The following SOX5 variants were observed in gnomAD, a reference collection of about 807,000 sequenced individuals.
The protein encoded by SOX5 is transcription factor SOX-5.
Under a neutral mutation model 92.0 loss-of-function variants are expected in SOX5, and 9 were observed. That is an observed-to-expected ratio of 0.10 (90% CI 0.06 to 0.17). The LOEUF (loss-of-function observed/expected upper bound fraction) is 0.17. Ranked by LOEUF, SOX5 falls within the 10% of genes least tolerant of loss-of-function variation. The pLI is 1.00. For missense variants in SOX5, 642 were observed against 944.5 expected (o/e 0.68, Z 4.20); for synonymous variants, 344 against 336.3 (o/e 1.02, Z -0.25).
intron 4 of SOX5, among the ~76,000 whole-genome samples, chr12:24,046,873 G>C (rs1457668442): frequency 6.6e-6 from 1 of 150,784 alleles, no homozygotes; most frequent in Non-Finnish European, 1.5e-5. Flanking sequence ...TTTTAATAGA[G>C]ATAGGGTATC....
intron 3 of SOX5, among the ~76,000 whole-genome samples, chr12:24,238,190 G>A (rs1376270901): frequency 2.0e-5 from 3 of 152,110 alleles, no homozygotes; most frequent in African/African-American, 7.2e-5. Flanking sequence ...TGAAAGAAAG[G>A]ATTACAGATG....
chr12:23,634,510 G>A (rs950258699), intron 8 of SOX5, among the ~76,000 whole-genome samples: 3 of 152,208 alleles, frequency 2.0e-5, no homozygotes, highest in Middle Eastern at 6.8e-3. Context: ...AAAACTCTAG[G>A]AAGGGAGTAT....
intron 4 of SOX5, among the ~76,000 whole-genome samples, chr12:24,114,805 G>A (rs2138210291): frequency 6.6e-6 from 1 of 151,906 alleles, no homozygotes; most frequent in East Asian, 1.9e-4. Context: ...GCATAGTGGT[G>A]CATGCCTATA....
At chr12:23,586,813 C>T (rs980472629) in intron 9 of SOX5, among the ~76,000 whole-genome samples, 3 of 151,660 alleles carry the variant, frequency 2.0e-5, no homozygotes, top group Non-Finnish European at 4.4e-5. Context: ...AATTATTTGT[C>T]ACTTATGATT....
intron 4 of SOX5, among the ~76,000 whole-genome samples, chr12:24,203,510 C>A (rs1473838650): frequency 6.6e-6 from 1 of 152,154 alleles, no homozygotes; most frequent in Admixed American, 6.5e-5. Context: ...CGCATATACT[C>A]CCATTTCATT....
intron 8 of SOX5, among the ~76,000 whole-genome samples, chr12:23,612,318 A>T (rs1195614594): frequency 3.9e-5 from 6 of 152,110 alleles, no homozygotes; most frequent in Non-Finnish European, 8.8e-5. Context: ...GAGATTTTTA[A>T]GTATTTTATT....
chr12:23,751,908 A>C (rs2094192033), intron 4 of SOX5, among the ~76,000 whole-genome samples: 1 of 151,800 alleles, frequency 6.6e-6, no homozygotes, highest in African/African-American at 2.4e-5. Flanking sequence ...AATCCATCAG[A>C]GATTCTAAGG....
intron 9 of SOX5, among the ~76,000 whole-genome samples, chr12:23,577,813 T>C (rs751350704): frequency 1.2e-4 from 18 of 151,922 alleles, no homozygotes; most frequent in South Asian, 4.1e-4. Context: ...AAGTTTACTT[T>C]AGCATTTTAA....
chr12:23,636,978 C>T (rs527512879), intron 8 of SOX5, among the ~76,000 whole-genome samples: 26 of 152,048 alleles, frequency 1.7e-4, no homozygotes, highest in Admixed American at 5.2e-4. Context: ...AGATAATCCT[C>T]GGAAAATCTT....
intron 4 of SOX5, among the ~76,000 whole-genome samples, chr12:23,977,490 C>A (rs751781251): frequency 6.6e-6 from 1 of 151,990 alleles, no homozygotes; most frequent in Non-Finnish European, 1.5e-5. Flanking sequence ...GCCAACATGG[C>A]GAAATCCCAT....
chr12:23,834,255 C>T (rs1451054097), intron 3 of SOX5, among the ~76,000 whole-genome samples: 3 of 151,656 alleles, frequency 2.0e-5, no homozygotes, highest in East Asian at 1.9e-4. Flanking sequence ...GAGAACTGCA[C>T]GTGATTTCAC....
chr12:24,457,477 A>T lies in SOX5; in HGVS notation c.-250-88838T>A, dbSNP rs1348206767. ...AATCTAAGTAATTTTTTAAGAGATT[A>T]GCATTTCTTATTTGGGCATACAGAC... On this transcript the variant is annotated intron_variant, in intron 1 of 4. Coordinates refer to the SOX5 transcript ENST00000446891. Among the ~76,000 whole-genome samples the T allele has an allele frequency of 1.3e-5, 2 of 152,222 alleles. 1 individual carries two copies. Among genetic ancestry groups the T allele is most frequent in the Admixed American group, 1.3e-4 (2 of 15,282 alleles).
At chr12:24,514,936 C>A (rs2138374789) in intron 1 of SOX5, among the ~76,000 whole-genome samples, 1 of 152,264 alleles carries the variant, frequency 6.6e-6, no homozygotes, top group African/African-American at 2.4e-5. Flanking sequence ...GGAAAAATAA[C>A]TAATGGGTAC....
intron 6 of SOX5, among the ~76,000 whole-genome samples, chr12:23,713,360 G>A (rs1047139058): frequency 1.3e-5 from 2 of 152,280 alleles, no homozygotes; most frequent in East Asian, 1.9e-4. Flanking sequence ...CTTGTTGTAA[G>A]CCACCAAGTT....
intron 1 of SOX5, among the ~76,000 whole-genome samples, chr12:23,897,960 G>C (rs1474143785): frequency 6.6e-6 from 1 of 152,156 alleles, no homozygotes; most frequent in Non-Finnish European, 1.5e-5. Context: ...TCTAAGTATG[G>C]AGAAGCATGT....
At chr12:23,901,099 G>C (rs1046100901) in intron 1 of SOX5, among the ~76,000 whole-genome samples, 4 of 152,318 alleles carry the variant, frequency 2.6e-5, no homozygotes, top group Middle Eastern at 3.4e-3. Flanking sequence ...GAAATGGGGA[G>C]ATTATTCTGA....
chr12:24,130,670 C>T (rs936322561), intron 4 of SOX5, among the ~76,000 whole-genome samples: 2 of 152,146 alleles, frequency 1.3e-5, no homozygotes, highest in African/African-American at 4.8e-5. Flanking sequence ...TTCAGGAGAA[C>T]AGAGAGGAGG....
chr12:24,398,584 T>C (rs1960670780), intron 1 of SOX5, among the ~76,000 whole-genome samples: 1 of 152,204 alleles, frequency 6.6e-6, no homozygotes. Flanking sequence ...CTTGTGTTTC[T>C]ATTACTGCTA....
chr12:23,693,111 A>T lies in SOX5; in HGVS notation c.811-27547T>A, dbSNP rs542994178. ...AACAATAGCATACAGTTGTATTTTTAATTATTTTATTATTGTTGTTGTTGT... is the reference window on the plus strand; with the variant it reads ...AACAATAGCATACAGTTGTATTTTTTATTATTTTATTATTGTTGTTGTTGT... On this transcript the variant is annotated intron_variant, in intron 6 of 14. Transcript: ENST00000451604. Among the ~76,000 whole-genome samples, 5 of 9,806 alleles carry T rather than the reference A, an allele frequency of 5.1e-4. No individual in the cohort carries two copies. The South Asian group carries it at 0.061, about 119-fold the overall frequency. The allele number at this position is 9,806 out of a possible 152,430, so 6.4% of individuals were successfully genotyped here.
Sources: gnomAD v4.1 joint callset for allele counts (sites outside exome capture counted in the v4.1 genomes callset) on GRCh38, gnomAD v4.1.1 for gene constraint, MANE v1.5 for transcripts, NCBI Gene and HGNC (gene_info 2026-07-23, HGNC 2026-07-21) for gene names.